C3orf38: variants seen among roughly 807,000 people sequenced by gnomAD.
The protein encoded by C3orf38 is chromosome 3 open reading frame 38.
In C3orf38, 18 loss-of-function variants were observed where a neutral mutation model predicts 28.3. The ratio of observed to expected loss-of-function variants is 0.64; its 90% CI spans 0.44 to 0.94. The LOEUF is 0.94. C3orf38 is among the 40% of genes least tolerant of loss of function. C3orf38 has a pLI of 0.00. For synonymous variants in C3orf38, 145 were observed against 138.1 expected (o/e 1.05, Z -0.35); for missense variants, 364 against 396.4 (o/e 0.92, Z 0.69).
In C3orf38 at chr3:88,156,371, AGG is replaced by A; in HGVS notation, c.727_728del (p.Gly243LysfsTer8). 1 of 1,614,220 alleles carries A rather than the reference AGG, an allele frequency of 6.2e-7. No individual in the cohort carries two copies. The highest frequency in any genetic ancestry group is 8.5e-7 in the Non-Finnish European group (1 of 1,180,046). On this transcript the variant is annotated frameshift_variant, in exon 3 of 3. Transcript: ENST00000318887. LOFTEE classifies it high-confidence loss of function. Reference protein sequence around the residue: ...MVGVAGTVHRGNTCLGIFEQI... With the variant: ...MVGVAGTVHRXNTCLGIFEQI... ...TTGGAGTTGCTGGGACTGTCCATCG[AGG>A]AAACACTTGTTTGGGCATTTTTGAA...
rs536588844 is a variant in C3orf38, at chr3:88,150,163, G to T, written c.111G>T (p.Leu37=). The change falls in exon 1 of 3, where the codon CTG becomes CTT. Residue 37 remains leucine, a synonymous_variant. Transcript: ENST00000318887. ...MALCDTVTNR[L]VQPQDRQDAV... ...TATGCGACACTGTCACCAACCGCCT[G>T]GTGCAGCCTCAGGACCGCCAAGGTA... 5 of 1,614,130 alleles carry T rather than the reference G, an allele frequency of 3.1e-6. No individual in the cohort carries two copies. The South Asian group carries it at 5.5e-5, about 18-fold the overall frequency.
At position 88,157,386 on chromosome 3, in the gene C3orf38, A is replaced by T. The variant is rs1707494153; in HGVS notation, c.*751A>T. ...TATTCTTACCTAGGCTTCAGACAAC[A>T]GTTTTATAGAGCAGTTACTGTAATA... On this transcript the variant is annotated 3_prime_UTR_variant, in exon 3 of 3. Transcript: ENST00000318887. The T allele has an allele frequency of 6.6e-6, 1 of 152,218 alleles. No individual in the cohort carries two copies. The highest frequency in any genetic ancestry group is 2.4e-5 in the African/African-American group (1 of 41,470). 9.4% of individuals were successfully genotyped at this position (152,218 alleles called of 1,614,324 possible).
At chr3:88,151,745 A>C (rs1707416862) in intron 1 of C3orf38, among the ~76,000 whole-genome samples, 1 of 152,246 alleles carries the variant, frequency 6.6e-6, no homozygotes, top group Non-Finnish European at 1.5e-5. Flanking sequence ...ATAGCAGTGA[A>C]AATGAGTTAG....
Position 88,156,429 on chromosome 3 carries a change from G to T in C3orf38, c.784G>T (p.Val262Leu), listed in dbSNP as rs146014849. Residue 262 changes from valine (V) to leucine (L), a missense_variant, in exon 3 of 3, where the codon GTG becomes TTG. Coordinates refer to ENST00000318887, the MANE Select transcript of C3orf38 (RefSeq NM_173824.4). ...TTTTGGACTCATCCGCTGCCCTTTTGTGGAGAATACTTGGAAAATCAAATT... is the reference window on the plus strand; with the variant it reads ...TTTTGGACTCATCCGCTGCCCTTTTTTGGAGAATACTTGGAAAATCAAATT... ...QIFGLIRCPFVENTWKIKFIN... is the reference protein window; with the variant it reads ...QIFGLIRCPFLENTWKIKFIN... 1.6e-4 allele frequency: 253 copies of T among 1,614,066 alleles called. 1 individual carries two copies. The Middle Eastern group carries it at 3.3e-3, about 21-fold the overall frequency.
At chr3:88,152,440 A>G (rs989155762) in intron 1 of C3orf38, among the ~76,000 whole-genome samples, 1 of 151,196 alleles carries the variant, frequency 6.6e-6, no homozygotes, top group African/African-American at 2.4e-5. Context: ...ATATAAAGAT[A>G]CAAGCCCTGG....
At position 88,151,405 on chromosome 3, in the gene C3orf38, C is replaced by G. The variant is rs73844897; in HGVS notation, c.133+1220C>G. On this transcript the variant is annotated intron_variant, in intron 1 of 2. Transcript: ENST00000318887. ...AGTGAAGGAGTTTAAGTTAAAACTGCCACTTTGAAAAAACAAATTTGACAT... is the reference window on the plus strand; with the variant it reads ...AGTGAAGGAGTTTAAGTTAAAACTGGCACTTTGAAAAAACAAATTTGACAT... Among the ~76,000 whole-genome samples the G allele has an allele frequency of 3.0e-3, 458 of 152,190 alleles. 3 individuals are homozygous for G. Among genetic ancestry groups the G allele is most frequent in the African/African-American group, 0.011 (440 of 41,522 alleles).
Position 88,156,634 on chromosome 3 carries a change from G to C in C3orf38, c.989G>C (p.Ter330SerextTer22). ...GATAGTGGAACTGGGGACCAAGTTT[G>C]AGGTAGTGGAAATGAGACATTGCTG... ...ASDSGTGDQV[*>S] The change falls in exon 3 of 3, where the codon TGA becomes TCA. Residue 330 changes from the stop codon to serine (S), a stop_lost. Coordinates refer to ENST00000318887, the MANE Select transcript of C3orf38 (RefSeq NM_173824.4). 4 of 1,607,158 alleles carry C rather than the reference G, an allele frequency of 2.5e-6. No individual in the cohort carries two copies. The highest frequency in any genetic ancestry group is 2.1e-4 in the Middle Eastern group (1 of 4,680).
At chr3:88,154,684 T>C (rs1707456962) in intron 2 of C3orf38, among the ~76,000 whole-genome samples, 1 of 152,170 alleles carries the variant, frequency 6.6e-6, no homozygotes, top group South Asian at 2.1e-4. Context: ...CAAATTAGGG[T>C]CTGCAATATA....
In C3orf38 at chr3:88,154,441, T is replaced by C. The variant is rs542667209; in HGVS notation, c.375+970T>C. Among the ~76,000 whole-genome samples the C allele has an allele frequency of 3.3e-5, 5 of 152,280 alleles. No homozygotes were observed. In the East Asian group the frequency reaches 9.6e-4, roughly 29 times the overall value. On this transcript the variant is annotated intron_variant, in intron 2 of 2. Coordinates refer to ENST00000318887, the MANE Select transcript of C3orf38 (RefSeq NM_173824.4). ...TTCTCCAGCGGACATTGGCTGTTTC[T>C]GTTCTTTATATTATCTCCACTGTAC...
chr3:88,156,211 T>C lies in C3orf38; in HGVS notation c.566T>C (p.Val189Ala), dbSNP rs746586413. The C allele has an allele frequency of 6.2e-7, 1 of 1,614,032 alleles. No homozygotes were observed. Among genetic ancestry groups the C allele is most frequent in the Admixed American group, 1.7e-5 (1 of 60,018 alleles). ...RFYYNTSEQN[V>A]MDYHGAEIVS... ...TATTACAACACATCAGAACAAAATGTTATGGACTACCATGGAGCAGAAATC... is the reference window on the plus strand; with the variant it reads ...TATTACAACACATCAGAACAAAATGCTATGGACTACCATGGAGCAGAAATC... Residue 189 changes from valine (V) to alanine (A), a missense_variant, in exon 3 of 3, where the codon GTT (valine) becomes GCT (alanine). Physicochemically the swap from Val to Ala is moderately conservative, Grantham distance 64. Coordinates refer to ENST00000318887, the MANE Select transcript of C3orf38 (RefSeq NM_173824.4).
Position 88,156,380 on chromosome 3 carries a change from T to C in C3orf38, c.735T>C (p.Thr245=), listed in dbSNP as rs1707480014. 2 of 1,614,226 alleles carry C rather than the reference T, an allele frequency of 1.2e-6. No individual in the cohort carries two copies. Among genetic ancestry groups the C allele is most frequent in the Non-Finnish European group, 1.7e-6 (2 of 1,180,042 alleles). Residue 245 remains threonine, a synonymous_variant, in exon 3 of 3, where the codon ACT becomes ACC. Transcript: ENST00000318887. ...GVAGTVHRGN[T]CLGIFEQIFG... is the part of the protein sequence containing the mutation. ...CTGGGACTGTCCATCGAGGAAACAC[T>C]TGTTTGGGCATTTTTGAACAAATTT...
intron 1 of C3orf38, among the ~76,000 whole-genome samples, chr3:88,152,450 G>T (rs1193988754): frequency 6.6e-6 from 1 of 150,508 alleles, no homozygotes; most frequent in Non-Finnish European, 1.5e-5. Flanking sequence ...ACAAGCCCTG[G>T]TTCTGCCACT....
chr3:88,150,358 G>A (rs1220541363), intron 1 of C3orf38, among the ~76,000 whole-genome samples, 173 bp downstream of exon 1: 5 of 152,208 alleles, frequency 3.3e-5, no homozygotes, highest in Non-Finnish European at 7.3e-5. Flanking sequence ...CGGTGATAAT[G>A]GCACGGCTTC....
In C3orf38 at chr3:88,156,033, G is replaced by A. The variant is rs1489098526; in HGVS notation, c.388G>A (p.Asp130Asn). ...TTGTTTCAATCAGCAGGTGAAAGAAGATAAAAAAGCTGAAAAAGTTGATTT... is the reference window on the plus strand; with the variant it reads ...TTGTTTCAATCAGCAGGTGAAAGAAAATAAAAAAGCTGAAAAAGTTGATTT... ...IHLFQQQVKE[D>N]KKAEKVDFRR... Residue 130 changes from aspartate (D) to asparagine (N), a missense_variant, in exon 3 of 3, where the codon GAT becomes AAT. By Grantham distance (23) the Asp-to-Asn change is conservative. Transcript: ENST00000318887. The A allele has an allele frequency of 6.5e-7, 1 of 1,538,558 alleles. No homozygotes were observed. The highest frequency in any genetic ancestry group is 1.4e-5 in the African/African-American group (1 of 72,054).
intron 1 of C3orf38, chr3:88,150,564 ATTTTG>A: frequency 6.2e-6 from 1 of 161,290 alleles, no homozygotes; most frequent in Non-Finnish European, 1.4e-5. Flanking sequence ...GATGGCAAAC[ATTTTG>A]TATGTCTCTG....
At chr3:88,153,126 C>T (rs1707437800) in intron 1 of C3orf38, 104 bp from the exon 2 acceptor site, 2 of 1,064,814 alleles carry the variant, frequency 1.9e-6, no homozygotes, top group African/African-American at 1.6e-5. Flanking sequence ...AGCAATAATG[C>T]TGTGACGAGA....
rs1159979687 is a variant in C3orf38, at chr3:88,157,847, T to C, written c.*1212T>C. 1 of 152,138 alleles carries C rather than the reference T, an allele frequency of 6.6e-6. No homozygotes were observed. Among genetic ancestry groups the C allele is most frequent in the Non-Finnish European group, 1.5e-5 (1 of 68,006 alleles). 9.4% of individuals were successfully genotyped at this position (152,138 alleles called of 1,614,324 possible). A position where few individuals can be genotyped will look rare whatever the true frequency, so the allele number is the denominator to read the frequency against. On this transcript the variant is annotated 3_prime_UTR_variant, in exon 3 of 3. Transcript: ENST00000318887. The stretch of plus-strand genomic sequence containing the variant: ...GGGAGACTGATAAGAATTTTGGAAA[T>C]GGGAGCCTGGAAACTCATCTTTGTT...
rs777779273 is a variant in C3orf38 at position 88,150,039 on chromosome 3, C to CG, written c.-14_-13insG. 47 of 1,613,932 alleles carry CG rather than the reference C, an allele frequency of 2.9e-5. No homozygotes were observed. Among genetic ancestry groups the CG allele is most frequent in the Non-Finnish European group, 3.6e-5 (42 of 1,179,964 alleles). On this transcript the variant is annotated 5_prime_UTR_variant, in exon 1 of 3. Coordinates refer to ENST00000318887, the MANE Select transcript of C3orf38 (RefSeq NM_173824.4). The stretch of plus-strand genomic sequence containing the variant: ...CGACATTGTTGCCGTTGTCTTTCCC[C>CG]CCCAGTCCCGGGGATGGAGATGTCG...
chr3:88,156,363 G>A lies in C3orf38; in HGVS notation c.718G>A (p.Val240Ile), dbSNP rs768944063. The change falls in exon 3 of 3, where the codon GTC becomes ATC. Residue 240 changes from valine (V) to isoleucine (I), a missense_variant. Physicochemically the swap from Val to Ile is conservative, Grantham distance 29. Transcript: ENST00000318887. ...GGTTATGGTTGGAGTTGCTGGGACT[G>A]TCCATCGAGGAAACACTTGTTTGGG... ...GLVMVGVAGT[V>I]HRGNTCLGIF... 1 of 1,614,218 alleles carries A rather than the reference G, an allele frequency of 6.2e-7. No individual in the cohort carries two copies. Among genetic ancestry groups the A allele is most frequent in the Non-Finnish European group, 8.5e-7 (1 of 1,180,034 alleles).
Sources: allele counts gnomAD v4.1 joint callset (sites outside exome capture counted in the v4.1 genomes callset), GRCh38; gene constraint gnomAD v4.1.1; transcripts MANE v1.5; gene names NCBI Gene and HGNC (gene_info 2026-07-23, HGNC 2026-07-21).